The following CCDC187 variants were observed in gnomAD, a reference collection of about 807,000 sequenced individuals.
CCDC187 encodes the protein coiled-coil domain containing 187.
Under a neutral mutation model 38.0 loss-of-function variants are expected in CCDC187, and 32 were observed. That is an observed-to-expected ratio of 0.84 (90% CI 0.64 to 1.13). CCDC187 has a LOEUF of 1.13. Among genes scored for constraint, CCDC187 ranks in the 50% most tolerant of loss-of-function variants. CCDC187 has a pLI of 0.00. For missense variants in CCDC187, 707 were observed against 786.8 expected (o/e 0.90, Z 1.21); for synonymous variants, 333 against 347.9 (o/e 0.96, Z 0.48).
intron 2 of CCDC187, among the ~76,000 whole-genome samples, chr9:136,300,742 C>T (rs1484061575): frequency 1.3e-5 from 2 of 152,172 alleles, no homozygotes; most frequent in African/African-American, 2.4e-5. Flanking sequence ...GGATTACAGA[C>T]GCCTGCCACA....
intron 20 of CCDC187, 140 bp from the exon 21 acceptor site, chr9:136,259,588 C>A (rs1030519829): frequency 8.8e-6 from 2 of 226,358 alleles, no homozygotes; most frequent in Non-Finnish European, 7.3e-6. Flanking sequence ...GAGACAGGGA[C>A]GGCCTGGGGC....
In CCDC187 at chr9:136,292,181, G is replaced by A. The variant is rs1313652176; in HGVS notation, c.947C>T (p.Pro316Leu). 8 of 398,678 alleles carry A rather than the reference G, an allele frequency of 2.0e-5. No individual in the cohort carries two copies. Among genetic ancestry groups the A allele is most frequent in the African/African-American group, 8.2e-5 (4 of 48,624 alleles). 24.7% of individuals were successfully genotyped at this position (398,678 alleles called of 1,614,324 possible). A position where few individuals can be genotyped will look rare whatever the true frequency, so the allele number is the denominator to read the frequency against. ...RHHSKDPSRD[P>L]ALTVDLGDSE... ...GGTACCTAAGTCCACGGTGAGAGCC[G>A]GGTCTCTCGAGGGATCCTTGCTATG... is the stretch of plus-strand genomic sequence containing the variant. The change falls in exon 5 of 26, where the codon CCG becomes CTG. Residue 316 changes from proline (P) to leucine (L), a missense_variant. Coordinates refer to ENST00000638797, the MANE Select transcript of CCDC187 (RefSeq NM_001378188.1).
At position 136,252,278 on chromosome 9, in the gene CCDC187, G is replaced by A. The variant is rs544175645; in HGVS notation, c.*1316C>T. On this transcript the variant is annotated 3_prime_UTR_variant, in exon 26 of 26. Transcript: ENST00000638797. Reference sequence around the variant, plus strand: ...AGGCGACCGTCCTGCGGAGCCGGCCGCCCACCTGGTCCACCCTGGGAAGAG... The same window carrying A: ...AGGCGACCGTCCTGCGGAGCCGGCCACCCACCTGGTCCACCCTGGGAAGAG... The A allele has an allele frequency of 9.7e-5, 13 of 133,890 alleles. No individual in the cohort carries two copies. In the South Asian group the frequency reaches 1.9e-3, roughly 19 times the overall value. 8.3% of individuals were successfully genotyped at this position (133,890 alleles called of 1,614,324 possible).
In CCDC187 at chr9:136,258,219, G is replaced by T. The variant is rs1830637714; in HGVS notation, c.4366+713C>A. 6.6e-6 allele frequency among the ~76,000 whole-genome samples: 1 copy of T among 152,168 alleles called. No homozygotes were observed. The highest frequency in any genetic ancestry group is 1.5e-5 in the Non-Finnish European group (1 of 68,020). On this transcript the variant is annotated intron_variant, in intron 22 of 25. Coordinates refer to ENST00000638797, the MANE Select transcript of CCDC187 (RefSeq NM_001378188.1). This position sits in a 1 kb window ranked among gnomAD's most constrained non-coding sequence, Gnocchi z 4.3. The stretch of plus-strand genomic sequence containing the variant: ...GAGCCCCACCAGCCACGCTCTCCTG[G>T]GCAGCCCCACAAGTGCTTCTGATCT...
chr9:136,268,026 C>G (rs1237442996), intron 15 of CCDC187, 23 bp downstream of exon 15: 2 of 985,242 alleles, frequency 2.0e-6, no homozygotes, highest in Non-Finnish European at 2.4e-6. Flanking sequence ...TGTGCCTCTC[C>G]CCCAGGGGAC....
Position 136,250,245 on chromosome 9 carries a change from G to C in CCDC187, c.*3349C>G, listed in dbSNP as rs1830519068. The stretch of plus-strand genomic sequence containing the variant: ...GCTGTCCTTGGAAGCCCTGGCCCGG[G>C]TTTTCCTTCGTTCCTCACGACCAGC... On this transcript the variant is annotated 3_prime_UTR_variant, in exon 26 of 26. Transcript: ENST00000638797. 4 of 166,516 alleles carry C rather than the reference G, an allele frequency of 2.4e-5. No individual in the cohort carries two copies. Among genetic ancestry groups the C allele is most frequent in the Admixed American group, 2.2e-4 (4 of 17,906 alleles). The allele number at this position is 166,516 out of a possible 1,614,324, so 10.3% of individuals were successfully genotyped here. A position where few individuals can be genotyped will look rare whatever the true frequency, so the allele number is the denominator to read the frequency against.
At chr9:136,259,603 T>C (rs2131129207) in intron 20 of CCDC187, among the ~76,000 whole-genome samples, 155 bp from the exon 21 acceptor site, 1 of 152,182 alleles carries the variant, frequency 6.6e-6, no homozygotes, top group African/African-American at 2.4e-5. Flanking sequence ...TGGGGCCACA[T>C]CCAGCAATCT....
At chr9:136,286,010 T>C (rs971455570) in intron 8 of CCDC187, 75 bp downstream of exon 8, 44 of 397,444 alleles carry the variant, frequency 1.1e-4, no homozygotes, top group Non-Finnish European at 1.9e-4. Context: ...AGAGAGAAAA[T>C]GGGGTCCCCA....
intron 10 of CCDC187, among the ~76,000 whole-genome samples, chr9:136,276,951 G>T (rs1296123694): frequency 6.6e-6 from 1 of 152,072 alleles, no homozygotes; most frequent in East Asian, 2.0e-4. Flanking sequence ...GAAGGGCTGG[G>T]AGGGCTGCAG....
chr9:136,291,660 G>A lies in CCDC187; in HGVS notation c.968-15C>T. The A allele has an allele frequency of 2.5e-6, 1 of 398,768 alleles. No homozygotes were observed. The highest frequency in any genetic ancestry group is 4.4e-6 in the Non-Finnish European group (1 of 226,126). 24.7% of individuals were successfully genotyped at this position (398,768 alleles called of 1,614,324 possible). A position where few individuals can be genotyped will look rare whatever the true frequency, so the allele number is the denominator to read the frequency against. On this transcript the variant is annotated splice_polypyrimidine_tract_variant and intron_variant, in intron 5 of 25. Coordinates refer to ENST00000638797, the MANE Select transcript of CCDC187 (RefSeq NM_001378188.1). ...CTCGCTGTCTCCTGCAAAGACAGGA[G>A]TGTCAGGGGTGAGGAGGGGAGCGGA...
chr9:136,289,845 G>A (rs1207415615), intron 7 of CCDC187, 114 bp downstream of exon 7: 2 of 394,782 alleles, frequency 5.1e-6, no homozygotes, highest in Non-Finnish European at 8.9e-6. Flanking sequence ...CCCACCTGAG[G>A]AGCCTCTCGG....
In CCDC187 at chr9:136,258,561, G is replaced by A. The variant is rs1830643361; in HGVS notation, c.4366+371C>T. On this transcript the variant is annotated intron_variant, in intron 22 of 25. Coordinates refer to ENST00000638797, the MANE Select transcript of CCDC187 (RefSeq NM_001378188.1). This position sits in a 1 kb window ranked among gnomAD's most constrained non-coding sequence, Gnocchi z 4.3. ...CTCTCGGGGGGGGCCCCGGCCAAGTGTAAGGTTCAGAAAGAGAAAAATGTA... is the reference window on the plus strand; with the variant it reads ...CTCTCGGGGGGGGCCCCGGCCAAGTATAAGGTTCAGAAAGAGAAAAATGTA... 1.3e-5 allele frequency among the ~76,000 whole-genome samples: 2 copies of A among 152,126 alleles called. No homozygotes were observed. Among genetic ancestry groups the A allele is most frequent in the African/African-American group, 4.8e-5 (2 of 41,402 alleles).
intron 14 of CCDC187, among the ~76,000 whole-genome samples, chr9:136,273,552 G>A (rs988081961): frequency 3.3e-5 from 5 of 152,302 alleles, no homozygotes; most frequent in African/African-American, 4.8e-5. Context: ...AGGAGAACTC[G>A]GCAAATTGCA....
chr9:136,277,398 TGGG>T (rs1830952521), intron 10 of CCDC187, among the ~76,000 whole-genome samples: 1 of 101,152 alleles, frequency 9.9e-6, no homozygotes, highest in Non-Finnish European at 2.0e-5. Flanking sequence ...ACAGGGCAGG[TGGG>T]TGCTCACAGG....
chr9:136,285,273 G>A (rs1381462795), intron 9 of CCDC187, among the ~76,000 whole-genome samples: 1 of 152,162 alleles, frequency 6.6e-6, no homozygotes, highest in Non-Finnish European at 1.5e-5. Flanking sequence ...AGTTCAGGGG[G>A]CATTCGTGGG....
rs1390902002 is a variant in CCDC187, at chr9:136,303,287, G to A, written c.150C>T (p.Cys50=). 7.5e-6 allele frequency: 3 copies of A among 397,514 alleles called. 1 individual carries two copies. Among genetic ancestry groups the A allele is most frequent in the South Asian group, 2.8e-4 (2 of 7,062 alleles). The allele number at this position is 397,514 out of a possible 1,614,324, so 24.6% of individuals were successfully genotyped here. Reference sequence around the variant, plus strand: ...CCACGTCATCCTCAGCTGCAGGTGCGCAGAGCCTGGGAGGGAACGGCAGAC... The same window carrying A: ...CCACGTCATCCTCAGCTGCAGGTGCACAGAGCCTGGGAGGGAACGGCAGAC... ...DWKAVAKPRL[C]APAAEDDVAA... The change falls in exon 2 of 26, where the codon TGC becomes TGT. Residue 50 remains cysteine (C), a synonymous_variant. Transcript: ENST00000638797.
intron 2 of CCDC187, among the ~76,000 whole-genome samples, chr9:136,301,895 T>G (rs1831693895): frequency 6.6e-6 from 1 of 151,966 alleles, no homozygotes; most frequent in African/African-American, 2.4e-5. Flanking sequence ...GACTACATAT[T>G]TTTTTTAATC....
chr9:136,274,295 G>A (rs1554762874), intron 14 of CCDC187, among the ~76,000 whole-genome samples: 1 of 152,206 alleles, frequency 6.6e-6, no homozygotes, highest in Non-Finnish European at 1.5e-5. Flanking sequence ...ACCCTCCCTG[G>A]GCTGCGGACC....
intron 7 of CCDC187, 43 bp downstream of exon 7, chr9:136,289,914 CAA>C: frequency 1.3e-5 from 5 of 392,828 alleles, no homozygotes; most frequent in Admixed American, 4.4e-5. Context: ...TGGCCCCCCC[CAA>C]GGCCCCGCCC....
Sources: gnomAD v4.1 joint callset for allele counts (sites outside exome capture counted in the v4.1 genomes callset) on GRCh38, gnomAD v4.1.1 for gene constraint, Gnocchi (gnomAD v3.1) non-coding constraint, MANE v1.5 for transcripts, NCBI Gene and HGNC (gene_info 2026-07-23, HGNC 2026-07-21) for gene names.